COL11A1: variants seen among roughly 807,000 people sequenced by gnomAD.
COL11A1 encodes the protein collagen type XI alpha 1 chain.
Under a neutral mutation model 265.2 loss-of-function variants are expected in COL11A1, and 74 were observed. The observed-to-expected ratio is 0.28, with a 90% CI of 0.23 to 0.34. The LOEUF (loss-of-function observed/expected upper bound fraction) is 0.34, where lower values mean the gene tolerates loss of function less well. Ranked by LOEUF, COL11A1 falls within the 10% of genes least tolerant of loss-of-function variation. The probability of loss-of-function intolerance (pLI) is 1.00; values close to 1 mark genes in which losing one functional copy is unlikely to be tolerated. For missense variants in COL11A1, 2,165 were observed against 2,263.6 expected (o/e 0.96, Z 0.88); for synonymous variants, 816 against 727.6 (o/e 1.12, Z -1.96).
intron 65 of COL11A1, among the ~76,000 whole-genome samples, chr1:102,880,785 G>A (rs952938392): frequency 2.0e-5 from 3 of 151,920 alleles, no homozygotes; most frequent in Admixed American, 1.3e-4. Context: ...ATTTTACTTA[G>A]TTCTTACTGA....
chr1:103,063,775 C>A (rs1670856796), intron 4 of COL11A1, among the ~76,000 whole-genome samples: 1 of 151,952 alleles, frequency 6.6e-6, no homozygotes, highest in Admixed American at 6.6e-5. Flanking sequence ...GAAAATACAC[C>A]ACACAGCAGG....
intron 44 of COL11A1, among the ~76,000 whole-genome samples, chr1:102,937,281 C>T (rs1159870651): frequency 6.6e-6 from 1 of 152,094 alleles, no homozygotes. Flanking sequence ...ATATAATGGC[C>T]ATGCAGTCAT....
chr1:102,932,765 A>G (rs4582824), intron 46 of COL11A1, among the ~76,000 whole-genome samples: 96,394 of 149,256 alleles, frequency 0.65, 34,909 homozygotes, highest in East Asian at 0.98. Context: ...ACATAGTCCC[A>G]TATTTCTTGG....
At chr1:102,965,431 GT>G in intron 38 of COL11A1, 55 bp downstream of exon 38, 1 of 1,471,748 alleles carries the variant, frequency 6.8e-7, no homozygotes, top group East Asian at 2.3e-5. Context: ...ACTTAGGAAG[GT>G]TAAAATGTAA....
chr1:103,106,598 T>C (rs1674710066), intron 1 of COL11A1, among the ~76,000 whole-genome samples: 2 of 152,170 alleles, frequency 1.3e-5, no homozygotes. Flanking sequence ...GATTTCACTT[T>C]CAAAGACACT....
intron 4 of COL11A1, among the ~76,000 whole-genome samples, chr1:103,048,212 G>A (rs1359007788): frequency 1.3e-5 from 2 of 152,128 alleles, no homozygotes; most frequent in African/African-American, 4.8e-5. Context: ...GGTAGAATTT[G>A]GCTGTGAATC....
chr1:102,916,096 C>G (rs140600505), intron 49 of COL11A1, among the ~76,000 whole-genome samples: 1 of 152,052 alleles, frequency 6.6e-6, no homozygotes. Flanking sequence ...TTAACTACAA[C>G]AAATCAACAG....
rs528080738 is a variant in COL11A1, at chr1:102,928,146, T to A, written c.3601-4757A>T. On this transcript the variant is annotated intron_variant, in intron 46 of 66. Coordinates refer to ENST00000370096, the MANE Select transcript of COL11A1 (RefSeq NM_001854.4). ...TTAAGTTTTAGGGTACATGTGCACA[T>A]TGTGCAGGTTAGTTACATATGTATA... Among the ~76,000 whole-genome samples the A allele has an allele frequency of 4.6e-5, 7 of 152,050 alleles. No individual in the cohort carries two copies. In the South Asian group the frequency reaches 1.5e-3, roughly 32 times the overall value.
chr1:103,002,095 C>G, intron 23 of COL11A1, 126 bp from the exon 24 acceptor site: 1 of 831,360 alleles, frequency 1.2e-6, no homozygotes, highest in Non-Finnish European at 2.0e-6. Context: ...TTCCCATACA[C>G]CCCAAGGAAT....
rs992619705 is a variant in COL11A1 at position 103,078,925 on chromosome 1, A to C, written c.275-54T>G. On this transcript the variant is annotated intron_variant, in intron 2 of 66. Transcript: ENST00000370096. ...ATTTCCAATTTCCAATTTCTACTTT[A>C]TTCCTAGATCACTGTGGTATTTTTG... The C allele has an allele frequency of 7.9e-6, 10 of 1,272,020 alleles. No homozygotes were observed. In the African/African-American group the frequency reaches 1.5e-4, roughly 19 times the overall value. The allele number at this position is 1,272,020 out of a possible 1,614,324, so 78.8% of individuals were successfully genotyped here.
chr1:103,031,931 T>A (rs1365551775), intron 4 of COL11A1, among the ~76,000 whole-genome samples: 2 of 152,076 alleles, frequency 1.3e-5, no homozygotes, highest in Non-Finnish European at 2.9e-5. Flanking sequence ...ATCAAAACAT[T>A]AGTAATATTT....
At chr1:103,095,314 T>C (rs1276102738) in intron 1 of COL11A1, among the ~76,000 whole-genome samples, 1 of 152,010 alleles carries the variant, frequency 6.6e-6, no homozygotes, top group Non-Finnish European at 1.5e-5. Flanking sequence ...ACTCAGTATC[T>C]TTAAATGCAC....
chr1:103,014,668 G>A, intron 12 of COL11A1, 74 bp from the exon 13 acceptor site: 1 of 1,220,440 alleles, frequency 8.2e-7, no homozygotes, highest in Non-Finnish European at 1.2e-6. Flanking sequence ...TTGATCATTA[G>A]ATAAAAACCA....
chr1:102,898,838 T>C, intron 55 of COL11A1, 65 bp from the exon 56 acceptor site: 1 of 1,487,222 alleles, frequency 6.7e-7, no homozygotes. Context: ...TTTTATTAAA[T>C]GCACTGAAAA....
chr1:102,911,517 G>T (rs1474373984), intron 54 of COL11A1, among the ~76,000 whole-genome samples: 1 of 152,108 alleles, frequency 6.6e-6, no homozygotes, highest in African/African-American at 2.4e-5. Context: ...AGAAGAACAC[G>T]CTAAAGTGAG....
At chr1:102,979,299 A>G (rs912378651) in intron 32 of COL11A1, 83 bp downstream of exon 32, 8 of 1,294,350 alleles carry the variant, frequency 6.2e-6, no homozygotes, top group Non-Finnish European at 8.9e-6. Context: ...AGCCTCACAA[A>G]TATCTGGGAA....
intron 57 of COL11A1, among the ~76,000 whole-genome samples, chr1:102,897,446 A>G (rs1570659958): frequency 6.6e-6 from 1 of 150,506 alleles, no homozygotes; most frequent in East Asian, 1.9e-4. Context: ...AAAAAAAAAT[A>G]TATATATATA....
intron 37 of COL11A1, among the ~76,000 whole-genome samples, chr1:102,968,648 C>T (rs1380037572): frequency 6.6e-6 from 1 of 152,074 alleles, no homozygotes; most frequent in Non-Finnish European, 1.5e-5. Flanking sequence ...CAGCAGAGAA[C>T]AAAGTGAGAA....
chr1:103,050,114 T>G (rs1293484550), intron 4 of COL11A1, among the ~76,000 whole-genome samples: 1 of 152,160 alleles, frequency 6.6e-6, no homozygotes, highest in Non-Finnish European at 1.5e-5. Context: ...CTTTGTGAGG[T>G]TCTCTGTATT....
Sources: allele counts gnomAD v4.1 joint callset (sites outside exome capture counted in the v4.1 genomes callset), GRCh38; gene constraint gnomAD v4.1.1; transcripts MANE v1.5; gene names NCBI Gene and HGNC (gene_info 2026-07-23, HGNC 2026-07-21).